ZBTB40: variants seen among roughly 807,000 people sequenced by gnomAD.
ZBTB40 encodes zinc finger and BTB domain-containing protein 40.
ZBTB40 carries 60 observed loss-of-function variants against 117.5 expected under a neutral mutation model. The observed-to-expected ratio is 0.51, with a 90% CI of 0.41 to 0.63. The LOEUF is 0.63. Ranked by LOEUF, ZBTB40 falls within the 30% of genes least tolerant of loss-of-function variation. The pLI, the probability that ZBTB40 is intolerant of heterozygous loss-of-function variation, is 0.00. For synonymous variants in ZBTB40, 525 were observed against 577.1 expected, an observed-to-expected ratio of 0.91 and a Z score of 1.29; for missense variants, 1,287 against 1,498.5, an observed-to-expected ratio of 0.86 and a Z score of 2.33.
At chr1:22,499,838 C>CTTT (rs1221176006) in intron 3 of ZBTB40, among the ~76,000 whole-genome samples, 3 of 152,178 alleles carry the variant, frequency 2.0e-5, no homozygotes, top group Non-Finnish European at 4.4e-5. Context: ...AAATAAAAAT[C>CTTT]TTAAACATAT....
In ZBTB40 at chr1:22,530,009, G is replaced by A. The variant is rs1452435605; in HGVS notation, c.*3613G>A. On this transcript the variant is annotated 3_prime_UTR_variant, in exon 18 of 18. Coordinates refer to ENST00000375647, the MANE Select transcript of ZBTB40 (RefSeq NM_014870.4). Reference sequence around the variant, plus strand: ...GGGGCTGGTGACGTGGTCACCACAAGCTGAAGACAGGCTAATGGGGTGGCG... The same window carrying A: ...GGGGCTGGTGACGTGGTCACCACAAACTGAAGACAGGCTAATGGGGTGGCG... 6 of 151,832 alleles carry A rather than the reference G, an allele frequency of 4.0e-5. No individual in the cohort carries two copies. Among genetic ancestry groups the A allele is most frequent in the Non-Finnish European group, 8.8e-5 (6 of 68,012 alleles). 9.4% of individuals were successfully genotyped at this position (151,832 alleles called of 1,614,324 possible).
chr1:22,454,726 A>G (rs1022785433), intron 1 of ZBTB40, among the ~76,000 whole-genome samples: 2 of 152,270 alleles, frequency 1.3e-5, no homozygotes, highest in Admixed American at 6.5e-5. Flanking sequence ...CTGCACGCCC[A>G]AGGGCAAGTT....
intron 17 of ZBTB40, 152 bp from the exon 18 acceptor site, chr1:22,526,050 G>T (rs1183555343): frequency 2.3e-6 from 2 of 861,266 alleles, no homozygotes; most frequent in Middle Eastern, 2.8e-4. Flanking sequence ...TCGCCAGTGG[G>T]TTAGACTTGC....
chr1:22,444,698 G>C (rs1303942904), intron 1 of ZBTB40, among the ~76,000 whole-genome samples: 1 of 152,170 alleles, frequency 6.6e-6, no homozygotes, highest in African/African-American at 2.4e-5. Context: ...GTGCTGGCAG[G>C]CCACTGCTCA....
intron 9 of ZBTB40, among the ~76,000 whole-genome samples, chr1:22,509,441 G>A (rs756955852): frequency 1.3e-5 from 2 of 152,162 alleles, no homozygotes; most frequent in Non-Finnish European, 2.9e-5. Flanking sequence ...CTGCCTTCCG[G>A]GTTCAAGCGA....
intron 1 of ZBTB40, among the ~76,000 whole-genome samples, chr1:22,457,669 CAA>C (rs1456671489): frequency 6.6e-6 from 1 of 152,134 alleles, no homozygotes; most frequent in Non-Finnish European, 1.5e-5. Flanking sequence ...TTTCAGGCTC[CAA>C]ATATTGGTTA....
At position 22,506,108 on chromosome 1, in the gene ZBTB40, C is replaced by T. The variant is rs374204056; in HGVS notation, c.1227C>T (p.His409=). The change falls in exon 6 of 18, where the codon CAC becomes CAT. Residue 409 remains histidine, a synonymous_variant. Coordinates refer to ENST00000375647, the MANE Select transcript of ZBTB40 (RefSeq NM_014870.4). ...TPKETIENLL[H]RMTEEKTLTA... is the part of the protein sequence containing the mutation. ...AGGAGACAATAGAAAATTTGTTGCA[C>T]AGAATGACTGAAGAGAAGACGCTGA... The T allele has an allele frequency of 3.3e-5, 53 of 1,614,036 alleles. No individual in the cohort carries two copies. Among genetic ancestry groups the T allele is most frequent in the Non-Finnish European group, 4.3e-5 (51 of 1,180,034 alleles).
intron 3 of ZBTB40, among the ~76,000 whole-genome samples, chr1:22,492,113 A>G (rs1252284543): frequency 1.3e-5 from 2 of 152,204 alleles, no homozygotes; most frequent in African/African-American, 4.8e-5. Flanking sequence ...TGTTTTATGC[A>G]TGAGAAAACT....
intron 4 of ZBTB40, 61 bp downstream of exon 4, chr1:22,501,745 T>C: frequency 6.5e-7 from 1 of 1,550,150 alleles, no homozygotes; most frequent in Non-Finnish European, 8.8e-7. Context: ...TGCTATGAAG[T>C]TTGTTCCAAT....
At chr1:22,465,440 C>T (rs906870215) in intron 1 of ZBTB40, among the ~76,000 whole-genome samples, 1 of 152,096 alleles carries the variant, frequency 6.6e-6, no homozygotes, top group Non-Finnish European at 1.5e-5. Context: ...CCATGGGTGG[C>T]CATGGGCGGG....
intron 6 of ZBTB40, 50 bp from the exon 7 acceptor site, chr1:22,507,951 T>G (rs1639117942): frequency 1.9e-6 from 3 of 1,613,758 alleles, no homozygotes; most frequent in Non-Finnish European, 2.5e-6. Context: ...GAGTCTTCTG[T>G]AGGAGGTTTT....
chr1:22,516,052 A>G (rs796166660), intron 12 of ZBTB40, among the ~76,000 whole-genome samples: 35 of 152,310 alleles, frequency 2.3e-4, no homozygotes, highest in African/African-American at 8.4e-4. Context: ...AACAGGACTC[A>G]TGGTGGATTA....
intron 1 of ZBTB40, among the ~76,000 whole-genome samples, chr1:22,441,407 TA>T (rs1569742001): frequency 2.0e-5 from 3 of 152,076 alleles, no homozygotes; most frequent in Admixed American, 1.3e-4. Context: ...AGTTTCAGTT[TA>T]TTTTTTCCTA....
At chr1:22,464,995 C>T (rs1205299220) in intron 1 of ZBTB40, among the ~76,000 whole-genome samples, 1 of 152,186 alleles carries the variant, frequency 6.6e-6, no homozygotes, top group Non-Finnish European at 1.5e-5. Context: ...CCTCTGTTGG[C>T]TGTTGGTGCC....
chr1:22,489,175 A>G (rs572859199), intron 1 of ZBTB40, among the ~76,000 whole-genome samples: 8 of 152,170 alleles, frequency 5.3e-5, no homozygotes, highest in Non-Finnish European at 1.0e-4. Context: ...GAACAGGCTG[A>G]GCCAGAGACA....
At position 22,513,961 on chromosome 1, in the gene ZBTB40, C is replaced by T. The variant is rs1639309699; in HGVS notation, c.2668+831C>T. On this transcript the variant is annotated intron_variant, in intron 12 of 17. Coordinates refer to ENST00000375647, the MANE Select transcript of ZBTB40 (RefSeq NM_014870.4). This position sits in a 1 kb window ranked among gnomAD's most constrained non-coding sequence, Gnocchi z 4.9. ...AAGCATGAGAAGGACCCTGACTAAG[C>T]ACCTACCGTGGATCAGACAGTGGCA... Among the ~76,000 whole-genome samples, 1 of 152,238 alleles carries T rather than the reference C, an allele frequency of 6.6e-6. No homozygotes were observed. Among genetic ancestry groups the T allele is most frequent in the South Asian group, 2.1e-4 (1 of 4,834 alleles).
chr1:22,429,097 C>A (rs1191793533), intron 1 of ZBTB40, among the ~76,000 whole-genome samples: 1 of 152,106 alleles, frequency 6.6e-6, no homozygotes, highest in African/African-American at 2.4e-5. Context: ...TTAAGAAATT[C>A]TTGGGCCGGG....
rs1346752058 is a variant in ZBTB40 at position 22,520,080 on chromosome 1, CT to C, written c.2854del (p.Cys952AlafsTer6). The C allele has an allele frequency of 1.2e-6, 2 of 1,614,220 alleles. No individual in the cohort carries two copies. Among genetic ancestry groups the C allele is most frequent in the Non-Finnish European group, 1.7e-6 (2 of 1,180,034 alleles). On this transcript the variant is annotated frameshift_variant, in exon 14 of 18. Transcript: ENST00000375647. LOFTEE classifies it high-confidence loss of function. ...TFHNIEDPYD[C>X]KKCRMSFPTL... Reference sequence around the variant, plus strand: ...AACTAGACATAGAAGATCCTTATGACTGCAAGAAGTGCAGGATGAGTTTCCC... The same window carrying C: ...AACTAGACATAGAAGATCCTTATGACGCAAGAAGTGCAGGATGAGTTTCCC...
chr1:22,523,000 T>G lies in ZBTB40; in HGVS notation c.3298+537T>G, dbSNP rs1040417268. ...TCTCACTCTGTCACCCAGGCTGGAGTGCAGTGGCGCGATCTCGGCTCACTG... is the reference window on the plus strand; with the variant it reads ...TCTCACTCTGTCACCCAGGCTGGAGGGCAGTGGCGCGATCTCGGCTCACTG... On this transcript the variant is annotated intron_variant, in intron 16 of 17. Transcript: ENST00000375647. Among the ~76,000 whole-genome samples the G allele has an allele frequency of 3.9e-3, 542 of 138,210 alleles. 5 individuals are homozygous for G. Among genetic ancestry groups the G allele is most frequent in the African/African-American group, 0.014 (512 of 37,790 alleles). The allele number at this position is 138,210 out of a possible 152,430, so 90.7% of individuals were successfully genotyped here.
Sources: allele counts gnomAD v4.1 joint callset (sites outside exome capture counted in the v4.1 genomes callset), GRCh38; gene constraint gnomAD v4.1.1; non-coding constraint Gnocchi (gnomAD v3.1); transcripts MANE v1.5; gene names NCBI Gene and HGNC (gene_info 2026-07-23, HGNC 2026-07-21).